Variants in CLVS1 observed in about 807,000 individuals in gnomAD.
CLVS1 encodes the protein clavesin 1.
Under a neutral mutation model 33.1 loss-of-function variants are expected in CLVS1, and 10 were observed. That is an observed-to-expected ratio of 0.30 (90% CI 0.19 to 0.51). The LOEUF (loss-of-function observed/expected upper bound fraction) is 0.51, where lower values mean the gene tolerates loss of function less well. Among genes scored for constraint, CLVS1 ranks in the 20% least tolerant of loss-of-function variants. The pLI is 0.97. For synonymous variants in CLVS1, 163 were observed against 166.1 expected (o/e 0.98, Z 0.14); for missense variants, 343 against 433.4 (o/e 0.79, Z 1.85).
intron 1 of CLVS1, among the ~76,000 whole-genome samples, chr8:61,128,996 T>A (rs969568537): frequency 6.6e-6 from 1 of 152,264 alleles, no homozygotes; most frequent in South Asian, 2.1e-4. Context: ...GATTTCTTTT[T>A]TATTGCATTT....
chr8:61,118,433 C>T (rs1585622881), intron 1 of CLVS1, among the ~76,000 whole-genome samples: 1 of 140,948 alleles, frequency 7.1e-6, no homozygotes. Flanking sequence ...TGTGTTTGCT[C>T]TGCTTTTCTA....
At chr8:61,258,883 T>G (rs1809141101) in intron 2 of CLVS1, among the ~76,000 whole-genome samples, 1 of 152,212 alleles carries the variant, frequency 6.6e-6, no homozygotes, top group Non-Finnish European at 1.5e-5. Flanking sequence ...AGTGCCTAGC[T>G]TTGGTTTTAT....
At chr8:61,035,069 T>C in the CLVS1 span, among the ~76,000 whole-genome samples, 4 of 152,234 alleles carry the variant, frequency 2.6e-5, no homozygotes, top group Non-Finnish European at 5.9e-5. Context: ...CATATGTTTT[T>C]TGATATCCTG....
intron 2 of CLVS1, among the ~76,000 whole-genome samples, chr8:61,214,698 C>A (rs564898647): frequency 6.6e-6 from 1 of 152,324 alleles, no homozygotes; most frequent in Non-Finnish European, 1.5e-5. Context: ...GCAGCCTTAG[C>A]AAACTCAGGC....
chr8:61,128,837 A>G (rs1485066653), intron 1 of CLVS1, among the ~76,000 whole-genome samples: 1 of 152,228 alleles, frequency 6.6e-6, no homozygotes, highest in Non-Finnish European at 1.5e-5. Context: ...TACTGTCACA[A>G]GAGTGGATCT....
chr8:61,177,184 A>G (rs1285073276), intron 2 of CLVS1, among the ~76,000 whole-genome samples: 1 of 152,188 alleles, frequency 6.6e-6, no homozygotes, highest in Non-Finnish European at 1.5e-5. Flanking sequence ...CCCAAGAGGT[A>G]TTCCCCACAG....
upstream of CLVS1, among the ~76,000 whole-genome samples, chr8:61,052,687 T>C (rs888966558): frequency 5.9e-5 from 9 of 152,160 alleles, no homozygotes; most frequent in African/African-American, 2.2e-4. Flanking sequence ...GAGATCACTC[T>C]GGAGAAATAA....
intron 3 of CLVS1, among the ~76,000 whole-genome samples, chr8:61,413,567 A>C (rs147584952): frequency 1.3e-3 from 196 of 152,356 alleles, no homozygotes; most frequent in African/African-American, 4.5e-3. Context: ...GGCCGGGCAG[A>C]AAAACTGCAA....
At chr8:60,966,763 T>C in the CLVS1 span, among the ~76,000 whole-genome samples, 1 of 152,340 alleles carries the variant, frequency 6.6e-6, no homozygotes, top group Admixed American at 6.5e-5. Context: ...ATTTATAGCA[T>C]GGTGTCATTT....
chr8:61,196,516 T>C lies in CLVS1; in HGVS notation c.-152+64656T>C, dbSNP rs79927473. 1.4e-4 allele frequency among the ~76,000 whole-genome samples: 22 copies of C among 152,334 alleles called. No homozygotes were observed. The East Asian group carries it at 4.0e-3, about 28-fold the overall frequency. On this transcript the variant is annotated intron_variant, in intron 2 of 2. Transcript: ENST00000522621. ...AAATGGAATGTGTTTATTCATGTAT[T>C]TTGGAAGCCCAGGGTTGGCTTAGGC...
At chr8:60,998,568 TG>T in the CLVS1 span, among the ~76,000 whole-genome samples, 2 of 152,256 alleles carry the variant, frequency 1.3e-5, no homozygotes, top group Middle Eastern at 3.4e-3. Flanking sequence ...CTGCTGAGCT[TG>T]GGGGTACTGT....
At chr8:61,461,853 T>C (rs1817378501) in intron 5 of CLVS1, among the ~76,000 whole-genome samples, 1 of 152,164 alleles carries the variant, frequency 6.6e-6, no homozygotes, top group Admixed American at 6.5e-5. Flanking sequence ...AGAACCTTCT[T>C]CTCCATACCC....
chr8:61,147,849 A>G (rs1806450372), intron 2 of CLVS1, among the ~76,000 whole-genome samples: 1 of 152,226 alleles, frequency 6.6e-6, no homozygotes, highest in Non-Finnish European at 1.5e-5. Flanking sequence ...AAGTGAGAAA[A>G]AAAACTTATA....
chr8:61,198,631 C>T lies in CLVS1; in HGVS notation c.-152+66771C>T, dbSNP rs375913455. Among the ~76,000 whole-genome samples the T allele has an allele frequency of 7.2e-5, 11 of 152,286 alleles. 1 individual carries two copies. The highest frequency in any genetic ancestry group is 2.2e-4 in the African/African-American group (9 of 41,542). The stretch of plus-strand genomic sequence containing the variant: ...CTGACCTCAAGTGATCCACCCGCCT[C>T]GGCCTCCCAAAGTGCTGAGATAACA... On this transcript the variant is annotated intron_variant, in intron 2 of 2. Coordinates refer to the CLVS1 transcript ENST00000522621.
At chr8:61,434,063 G>C (rs771671605) in intron 3 of CLVS1, among the ~76,000 whole-genome samples, 7 of 152,150 alleles carry the variant, frequency 4.6e-5, no homozygotes, top group African/African-American at 7.2e-5. Flanking sequence ...TGTGGCTGCA[G>C]GACATGAAGC....
At chr8:61,356,381 G>A (rs1457710102) in intron 2 of CLVS1, among the ~76,000 whole-genome samples, 2 of 151,988 alleles carry the variant, frequency 1.3e-5, no homozygotes. Flanking sequence ...TCACTCTGAT[G>A]GTAGTTTCTT....
At chr8:61,442,672 T>C (rs955867708) in intron 3 of CLVS1, among the ~76,000 whole-genome samples, 9 of 152,152 alleles carry the variant, frequency 5.9e-5, no homozygotes, top group Non-Finnish European at 1.3e-4. Context: ...CGATCTTGGC[T>C]CACCACAACC....
At chr8:61,112,064 T>G (rs890414738) in intron 1 of CLVS1, among the ~76,000 whole-genome samples, 1 of 152,296 alleles carries the variant, frequency 6.6e-6, no homozygotes, top group Admixed American at 6.5e-5. Flanking sequence ...TAACTAAAGT[T>G]GTGAATAAGA....
In CLVS1 at chr8:61,181,990, C is replaced by T. The variant is rs181663216; in HGVS notation, c.-152+50130C>T. On this transcript the variant is annotated intron_variant, in intron 2 of 2. Coordinates refer to the CLVS1 transcript ENST00000522621. The stretch of plus-strand genomic sequence containing the variant: ...TGCTGGGATTACAGGCGTGAGCCAC[C>T]GTGTCCTGCCCAACCATCTGATCTT... Among the ~76,000 whole-genome samples the T allele has an allele frequency of 5.9e-5, 9 of 152,216 alleles. No individual in the cohort carries two copies. In the East Asian group the frequency reaches 7.7e-4, roughly 13 times the overall value.
Sources: gnomAD v4.1 joint callset for allele counts (sites outside exome capture counted in the v4.1 genomes callset) on GRCh38, gnomAD v4.1.1 for gene constraint, MANE v1.5 for transcripts, NCBI Gene and HGNC (gene_info 2026-07-23, HGNC 2026-07-21) for gene names.